The following MELTF variants were observed in gnomAD, a reference collection of about 807,000 sequenced individuals.
The protein encoded by MELTF is antigen p97 (melanoma associated) identified by monoclonal antibodies 133.2 and 96.5.
A neutral mutation model predicts 83.7 loss-of-function variants in MELTF; 67 were observed. The observed-to-expected ratio is 0.80, with a 90% CI of 0.66 to 0.98. The LOEUF (loss-of-function observed/expected upper bound fraction) is 0.98, where lower values mean the gene tolerates loss of function less well. MELTF is among the 50% of genes least tolerant of loss of function. The probability of loss-of-function intolerance (pLI) is 0.00; values close to 1 mark genes in which losing one functional copy is unlikely to be tolerated. For missense variants in MELTF, 1,002 were observed against 1,035.6 expected (o/e 0.97, Z 0.44); for synonymous variants, 462 against 447.6 (o/e 1.03, Z -0.41).
intron 6 of MELTF, chr3:197,019,103 C>T (rs556260155): frequency 4.2e-5 from 41 of 985,770 alleles, no homozygotes; most frequent in Middle Eastern, 5.2e-4. Context: ...CCAGAGTGAT[C>T]GTTTAGGAAA....
Position 197,002,352 on chromosome 3 carries a change from CTT to C in MELTF, c.*1018_*1019del, listed in dbSNP as rs1718768449. 1 of 152,304 alleles carries C rather than the reference CTT, an allele frequency of 6.6e-6. No homozygotes were observed. The highest frequency in any genetic ancestry group is 2.4e-5 in the African/African-American group (1 of 41,468). The allele number at this position is 152,304 out of a possible 1,614,324, so 9.4% of individuals were successfully genotyped here. The stretch of plus-strand genomic sequence containing the variant: ...TTTTAAGGGCTGCCAGTTCTGGAAA[CTT>C]TTTCTGGCTTCTCAGACAACTGTGG... On this transcript the variant is annotated 3_prime_UTR_variant, in exon 16 of 16. Coordinates refer to ENST00000296350, the MANE Select transcript of MELTF (RefSeq NM_005929.6).
intron 6 of MELTF, among the ~76,000 whole-genome samples, chr3:197,018,008 C>T (rs990045966): frequency 1.3e-5 from 2 of 152,184 alleles, no homozygotes; most frequent in South Asian, 4.1e-4. Context: ...GCAGGGGCCA[C>T]GGTGGAAACA....
chr3:197,017,825 C>A (rs113091224), intron 6 of MELTF, among the ~76,000 whole-genome samples: 1 of 151,994 alleles, frequency 6.6e-6, no homozygotes, highest in Non-Finnish European at 1.5e-5. Flanking sequence ...TGCAGTGAGC[C>A]GAGATCACGC....
rs1175379219 is a variant in MELTF at position 197,024,379 on chromosome 3, T to G, written c.411A>C (p.Thr137=). The G allele has an allele frequency of 6.2e-7, 1 of 1,609,850 alleles. No homozygotes were observed. The highest frequency in any genetic ancestry group is 8.5e-7 in the Non-Finnish European group (1 of 1,177,782). ...AGCCCACGGGCACGTTCCAGCCCACTGTGCGATTGATGCCCGTGTGGCAGG... is the reference window on the plus strand; with the variant it reads ...AGCCCACGGGCACGTTCCAGCCCACGGTGCGATTGATGCCCGTGTGGCAGG... The part of the protein sequence containing the change: ...VKSCHTGINR[T]VGWNVPVGYL... Residue 137 remains threonine, a synonymous_variant, in exon 4 of 16, where the codon ACA becomes ACC. Transcript: ENST00000296350. This position sits in a 1 kb window ranked among gnomAD's most constrained non-coding sequence, Gnocchi z 5.3.
intron 1 of MELTF, 59 bp from the exon 2 acceptor site, chr3:197,027,969 T>TG: frequency 1.3e-6 from 2 of 1,491,758 alleles, no homozygotes; most frequent in Non-Finnish European, 9.0e-7. Flanking sequence ...CGGCCCACCA[T>TG]GGAGGGTGGC....
chr3:197,023,002 T>C lies in MELTF; in HGVS notation c.599A>G (p.Asp200Gly), dbSNP rs1719688535. ...RGDSSGEGVC[D>G]KSPLERYYDY... ...GTAGTATCTCTCCAGGGGGCTCTTG[T>C]CACACACCCCTTCCCCAGAGCTGTC... is the stretch of plus-strand genomic sequence containing the variant. Residue 200 changes from aspartate (D) to glycine (G), a missense_variant, in exon 5 of 16, where the codon GAC becomes GGC. Transcript: ENST00000296350. 6.2e-7 allele frequency: 1 copy of C among 1,613,546 alleles called. No individual in the cohort carries two copies. Among genetic ancestry groups the C allele is most frequent in the Non-Finnish European group, 8.5e-7 (1 of 1,179,962 alleles).
At position 197,024,069 on chromosome 3, in the gene MELTF, G is replaced by A. The variant is rs976959867; in HGVS notation, c.487+234C>T. Among the ~76,000 whole-genome samples the A allele has an allele frequency of 6.0e-5, 9 of 150,640 alleles. No homozygotes were observed. Among genetic ancestry groups the A allele is most frequent in the East Asian group, 2.0e-4 (1 of 5,010 alleles). ...CTGGCTGTGCCATGTGGGACACCAC[G>A]ATGCGTGAGCAAGAATCGCGCCCCA... is the stretch of plus-strand genomic sequence containing the variant. On this transcript the variant is annotated intron_variant, in intron 4 of 15. Coordinates refer to ENST00000296350, the MANE Select transcript of MELTF (RefSeq NM_005929.6). This position sits in a 1 kb window ranked among gnomAD's most constrained non-coding sequence, Gnocchi z 5.3.
chr3:197,015,867 G>A (rs1463004781), intron 8 of MELTF, among the ~76,000 whole-genome samples: 1 of 152,168 alleles, frequency 6.6e-6, no homozygotes, highest in East Asian at 1.9e-4. Context: ...GTAGAGGCGG[G>A]GAGTAGGAGC....
At chr3:197,028,816 C>T (rs924456400) in intron 1 of MELTF, 2 of 152,766 alleles carry the variant, frequency 1.3e-5, no homozygotes, top group Non-Finnish European at 2.9e-5. Context: ...ACGCATGACT[C>T]CGCCCGAAAC....
In MELTF at chr3:197,003,567, C is replaced by T; in HGVS notation, c.2138-116G>A. ...TCGGGACCGAACTCGCCGCAGCCTC[C>T]CTCTTTGTGCTCCTTTCCCCTGCTG... On this transcript the variant is annotated intron_variant, in intron 15 of 15. Coordinates refer to ENST00000296350, the MANE Select transcript of MELTF (RefSeq NM_005929.6). This position sits in a 1 kb window ranked among gnomAD's most constrained non-coding sequence, Gnocchi z 6.2. 2.7e-6 allele frequency: 2 copies of T among 740,666 alleles called. No individual in the cohort carries two copies. The highest frequency in any genetic ancestry group is 3.7e-6 in the Non-Finnish European group (2 of 540,690). 45.9% of individuals were successfully genotyped at this position (740,666 alleles called of 1,614,324 possible).
intron 3 of MELTF, chr3:197,026,391 G>A (rs1261255635): frequency 4.3e-6 from 2 of 467,840 alleles, no homozygotes; most frequent in Non-Finnish European, 3.9e-6. Context: ...CCAGGCCCGG[G>A]ACAGCCCGCA....
Position 197,010,782 on chromosome 3 carries a change from C to T in MELTF, c.1246G>A (p.Asp416Asn), listed in dbSNP as rs373500136. The change falls in exon 10 of 16, where the codon GAC becomes AAC. Residue 416 changes from aspartate (D) to asparagine (N), a missense_variant. Asp to Asn is a conservative substitution (Grantham distance 23). Coordinates refer to ENST00000296350, the MANE Select transcript of MELTF (RefSeq NM_005929.6). The stretch of plus-strand genomic sequence containing the variant: ...TCCTCGCCACTCAGGGTCACAGCGT[C>T]GACCTGCTCAGCCTGAAGGGAATAG... ...CMERIQAEQV[D>N]AVTLSGEDIY... 1.4e-5 allele frequency: 22 copies of T among 1,613,442 alleles called. No individual in the cohort carries two copies. The highest frequency in any genetic ancestry group is 1.6e-4 in the Middle Eastern group (1 of 6,082).
chr3:197,027,993 T>C, intron 1 of MELTF, 83 bp from the exon 2 acceptor site: 3 of 1,438,920 alleles, frequency 2.1e-6, no homozygotes, highest in South Asian at 1.3e-5. Context: ...AGCAGTTCTG[T>C]GTGAGCCCAT....
rs1406741925 is a variant in MELTF at position 197,002,419 on chromosome 3, G to A, written c.*953C>T. On this transcript the variant is annotated 3_prime_UTR_variant, in exon 16 of 16. Transcript: ENST00000296350. The stretch of plus-strand genomic sequence containing the variant: ...GAGAGGCCCCGGCCGGGCGCTTTCT[G>A]CTGCCTCGCGGAGGGGCGGGCACGG... 6.6e-6 allele frequency: 1 copy of A among 152,284 alleles called. No individual in the cohort carries two copies. The highest frequency in any genetic ancestry group is 2.4e-5 in the African/African-American group (1 of 41,458). The allele number at this position is 152,284 out of a possible 1,614,324, so 9.4% of individuals were successfully genotyped here. A position where few individuals can be genotyped will look rare whatever the true frequency, so the allele number is the denominator to read the frequency against.
chr3:197,022,933 C>G lies in MELTF; in HGVS notation c.644+24G>C. On this transcript the variant is annotated intron_variant, in intron 5 of 15. Transcript: ENST00000296350. This position sits in a 1 kb window ranked among gnomAD's most constrained non-coding sequence, Gnocchi z 5.1. ...CCTCAGCTCCTCCCTGCCCTCGGCCCCTCCCTGCCCCCACTCCGCTCACCG... is the reference window on the plus strand; with the variant it reads ...CCTCAGCTCCTCCCTGCCCTCGGCCGCTCCCTGCCCCCACTCCGCTCACCG... 1 of 1,584,074 alleles carries G rather than the reference C, an allele frequency of 6.3e-7. No homozygotes were observed. Among genetic ancestry groups the G allele is most frequent in the East Asian group, 2.3e-5 (1 of 44,426 alleles).
chr3:197,009,708 C>T lies in MELTF; in HGVS notation c.1435G>A (p.Gly479Ser), dbSNP rs777759505. The T allele has an allele frequency of 5.8e-5, 93 of 1,613,668 alleles. No homozygotes were observed. Among genetic ancestry groups the T allele is most frequent in the Middle Eastern group, 1.6e-4 (1 of 6,084 alleles). The stretch of plus-strand genomic sequence containing the variant: ...TCCCAGCCTGCAGGGCTGCCGAAAC[C>T]GGCGTGGCAGGAGCGCTTGCCCCGA... ...ELRGKRSCHA[G>S]FGSPAGWDVP... Residue 479 changes from glycine (G) to serine (S), a missense_variant, in exon 11 of 16, where the codon GGT becomes AGT. Gly to Ser is a moderately conservative substitution (Grantham distance 56). Coordinates refer to ENST00000296350, the MANE Select transcript of MELTF (RefSeq NM_005929.6).
At position 197,003,488 on chromosome 3, in the gene MELTF, G is replaced by A. The variant is rs1718841330; in HGVS notation, c.2138-37C>T. 1.8e-6 allele frequency: 2 copies of A among 1,096,146 alleles called. No homozygotes were observed. Among genetic ancestry groups the A allele is most frequent in the Admixed American group, 5.3e-5 (1 of 18,904 alleles). 67.9% of individuals were successfully genotyped at this position (1,096,146 alleles called of 1,614,324 possible). On this transcript the variant is annotated intron_variant, in intron 15 of 15. Coordinates refer to ENST00000296350, the MANE Select transcript of MELTF (RefSeq NM_005929.6). The surrounding 1 kb of genome is among the most constrained non-coding windows in gnomAD (Gnocchi z 6.2). ...CGCGGCGGGTCAGGCCCCGAAGCCC[G>A]GGCCGCGGTGGCCGCCTCAGGCGCC...
intron 1 of MELTF, chr3:197,028,277 C>G: frequency 4.8e-6 from 1 of 210,258 alleles, no homozygotes; most frequent in Non-Finnish European, 9.7e-6. Flanking sequence ...CCAGGCCTCC[C>G]GAAGAGGGTG....
intron 14 of MELTF, among the ~76,000 whole-genome samples, chr3:197,005,988 AG>A (rs1487551019): frequency 6.6e-6 from 1 of 151,776 alleles, no homozygotes; most frequent in Admixed American, 6.5e-5. Flanking sequence ...TGGGAGGCCG[AG>A]GTGGGCGGAT....
Sources: gnomAD v4.1 joint callset for allele counts (sites outside exome capture counted in the v4.1 genomes callset) on GRCh38, gnomAD v4.1.1 for gene constraint, Gnocchi (gnomAD v3.1) non-coding constraint, MANE v1.5 for transcripts, NCBI Gene and HGNC (gene_info 2026-07-23, HGNC 2026-07-21) for gene names.